GALNTL6: variants seen among roughly 807,000 people sequenced by gnomAD.
GALNTL6 encodes polypeptide N-acetylgalactosaminyltransferase-like 6.
Under a neutral mutation model 73.7 loss-of-function variants are expected in GALNTL6, and 46 were observed. The observed-to-expected ratio is 0.62, with a 90% CI of 0.49 to 0.80. The LOEUF (loss-of-function observed/expected upper bound fraction) is 0.80, where lower values mean the gene tolerates loss of function less well. Among genes scored for constraint, GALNTL6 ranks in the 30% least tolerant of loss-of-function variants. GALNTL6 has a pLI of 0.00. For missense variants in GALNTL6, 604 were observed against 755.0 expected, an observed-to-expected ratio of 0.80 and a Z score of 2.34; for synonymous variants, 259 against 263.7, an observed-to-expected ratio of 0.98 and a Z score of 0.17.
At chr4:172,419,521 T>G (rs1730975809) in intron 5 of GALNTL6, among the ~76,000 whole-genome samples, 2 of 152,198 alleles carry the variant, frequency 1.3e-5, no homozygotes, top group Non-Finnish European at 2.9e-5. Context: ...GTGAGGCACT[T>G]TGGATGCTCA....
chr4:172,331,794 G>A (rs1003839531), intron 4 of GALNTL6, among the ~76,000 whole-genome samples: 7 of 152,010 alleles, frequency 4.6e-5, no homozygotes, highest in African/African-American at 1.7e-4. Context: ...AAACATTTGG[G>A]TTTCTTCCAT....
intron 2 of GALNTL6, among the ~76,000 whole-genome samples, chr4:172,098,215 G>T (rs1223585797): frequency 6.6e-5 from 10 of 151,762 alleles, no homozygotes; most frequent in African/African-American, 2.2e-4. Context: ...ATATATATAG[G>T]ATATCTATAG....
chr4:171,817,870 A>G (rs1206892853), intron 2 of GALNTL6, among the ~76,000 whole-genome samples: 1 of 151,536 alleles, frequency 6.6e-6, no homozygotes, highest in East Asian at 1.9e-4. Context: ...ATAAATATGA[A>G]GTTTTTGAGA....
At chr4:172,927,775 C>T (rs952848639) in intron 8 of GALNTL6, among the ~76,000 whole-genome samples, 6 of 152,078 alleles carry the variant, frequency 3.9e-5, no homozygotes, top group Non-Finnish European at 8.8e-5. Context: ...CATGGAAGCC[C>T]AGAGTTTCAA....
intron 2 of GALNTL6, among the ~76,000 whole-genome samples, chr4:172,062,008 G>C (rs942562708): frequency 1.4e-5 from 2 of 147,326 alleles, no homozygotes. Flanking sequence ...GAGTGCAATG[G>C]CACGATCTTG....
chr4:172,436,824 A>G (rs1464205109), intron 5 of GALNTL6, among the ~76,000 whole-genome samples: 1 of 152,044 alleles, frequency 6.6e-6, no homozygotes, highest in Non-Finnish European at 1.5e-5. Context: ...CCTTTATTCA[A>G]CTTTAACTAG....
rs551171619 is a variant in GALNTL6 at position 172,203,127 on chromosome 4, A to G, written c.139-26529A>G. The stretch of plus-strand genomic sequence containing the variant: ...GTTTGTGTTGAGATTTGAAGTTCAG[A>G]CTAAACAGCACTGTAAGGGTAAAAC... On this transcript the variant is annotated intron_variant, in intron 2 of 12. Transcript: ENST00000506823. Among the ~76,000 whole-genome samples, 4 of 152,342 alleles carry G rather than the reference A, an allele frequency of 2.6e-5. No individual in the cohort carries two copies. The South Asian group carries it at 6.2e-4, about 24-fold the overall frequency.
At position 172,643,260 on chromosome 4, in the gene GALNTL6, TAAATC is replaced by T. The variant is rs546662844; in HGVS notation, c.554-166098_554-166094del. Among the ~76,000 whole-genome samples the T allele has an allele frequency of 9.3e-4, 142 of 152,072 alleles. 1 individual carries two copies. The highest frequency in any genetic ancestry group is 3.1e-3 in the African/African-American group (129 of 41,548). On this transcript the variant is annotated intron_variant, in intron 5 of 12. Coordinates refer to ENST00000506823, the MANE Select transcript of GALNTL6 (RefSeq NM_001034845.3). ...ATAAAATACCTTCAAAATGATCACA[TAAATC>T]AATAAGCAAATGACTTTGATTACAA...
At chr4:172,825,751 G>A (rs1007475533) in intron 7 of GALNTL6, among the ~76,000 whole-genome samples, 12 of 152,250 alleles carry the variant, frequency 7.9e-5, no homozygotes, top group South Asian at 6.2e-4. Flanking sequence ...TAAGAGGAGG[G>A]AAACTGTAGG....
intron 7 of GALNTL6, among the ~76,000 whole-genome samples, chr4:172,851,431 TA>T (rs1743814933): frequency 6.6e-6 from 1 of 151,718 alleles, no homozygotes; most frequent in Non-Finnish European, 1.5e-5. Context: ...CACACACACA[TA>T]TATATATCAC....
intron 9 of GALNTL6, among the ~76,000 whole-genome samples, chr4:172,950,048 T>A (rs1749368497): frequency 6.6e-6 from 1 of 152,208 alleles, no homozygotes; most frequent in African/African-American, 2.4e-5. Context: ...AATAGTAAGA[T>A]GATATTACAG....
intron 8 of GALNTL6, among the ~76,000 whole-genome samples, chr4:172,907,836 C>G (rs1746984439): frequency 6.6e-6 from 1 of 152,170 alleles, no homozygotes. Flanking sequence ...TAGGATAGAT[C>G]TTAGCACCTC....
rs1419523793 is a variant in GALNTL6, at chr4:172,575,161, A to G, written c.553+226472A>G. On this transcript the variant is annotated intron_variant, in intron 5 of 12. Transcript: ENST00000506823. ...TCTGCCTTCATGACATGCGTATTACATGCATTGTGTATACAATTCTTAACT... is the reference window on the plus strand; with the variant it reads ...TCTGCCTTCATGACATGCGTATTACGTGCATTGTGTATACAATTCTTAACT... Among the ~76,000 whole-genome samples the G allele has an allele frequency of 9.9e-5, 15 of 152,210 alleles. 1 individual carries two copies. The East Asian group carries it at 2.9e-3, about 29-fold the overall frequency.
intron 5 of GALNTL6, among the ~76,000 whole-genome samples, chr4:172,654,561 T>C (rs1730882654): frequency 6.6e-6 from 1 of 152,226 alleles, no homozygotes; most frequent in Middle Eastern, 3.2e-3. Flanking sequence ...TTGGTGAATC[T>C]CTACTGTCAT....
At chr4:172,309,715 A>G (rs1740280833) in intron 3 of GALNTL6, among the ~76,000 whole-genome samples, 1 of 151,316 alleles carries the variant, frequency 6.6e-6, no homozygotes, top group Non-Finnish European at 1.5e-5. Context: ...AACATTGTGT[A>G]TCTGTAAAAC....
chr4:172,330,291 TG>T (rs1362091119), intron 4 of GALNTL6, among the ~76,000 whole-genome samples: 7 of 152,102 alleles, frequency 4.6e-5, no homozygotes, highest in African/African-American at 1.7e-4. Flanking sequence ...CAGGTCCTGG[TG>T]GAGGGGATTC....
intron 2 of GALNTL6, among the ~76,000 whole-genome samples, chr4:171,855,219 G>A (rs1036774756): frequency 6.6e-5 from 10 of 152,100 alleles, no homozygotes; most frequent in African/African-American, 1.4e-4. Flanking sequence ...CACCCGTACC[G>A]TATCATACAG....
intron 12 of GALNTL6, among the ~76,000 whole-genome samples, chr4:173,025,552 T>C (rs1236241257): frequency 6.6e-6 from 1 of 152,196 alleles, no homozygotes; most frequent in Non-Finnish European, 1.5e-5. Context: ...CCTAAAGGGC[T>C]GCCCTGCTTC....
chr4:172,034,399 CGTGTGTGTGTGTGT>C (rs1209195765), intron 2 of GALNTL6, among the ~76,000 whole-genome samples: 1 of 33,426 alleles, frequency 3.0e-5, no homozygotes, highest in African/African-American at 9.6e-5. Flanking sequence ...AGCGTGCGTG[CGTGTGTGTGTGTGT>C]GTGTGTGTGT....
Sources: allele counts gnomAD v4.1 joint callset (sites outside exome capture counted in the v4.1 genomes callset), GRCh38; gene constraint gnomAD v4.1.1; transcripts MANE v1.5; gene names NCBI Gene and HGNC (gene_info 2026-07-23, HGNC 2026-07-21).